Variants in PTPRD observed in about 807,000 individuals in gnomAD.
The protein encoded by PTPRD is protein tyrosine phosphatase receptor type D.
Under a neutral mutation model 214.5 loss-of-function variants are expected in PTPRD, and 34 were observed. The observed-to-expected ratio is 0.16, with a 90% CI of 0.12 to 0.21. The LOEUF is 0.21. PTPRD is among the 10% of genes least tolerant of loss of function. PTPRD has a pLI of 1.00. For missense variants in PTPRD, 2,545 were observed against 2,398.7 expected, an observed-to-expected ratio of 1.06 and a Z score of -1.27; for synonymous variants, 1,128 against 845.7, an observed-to-expected ratio of 1.33 and a Z score of -5.79.
chr9:10,403,979 C>A (rs1025717821), intron 2 of PTPRD, among the ~76,000 whole-genome samples: 11 of 151,560 alleles, frequency 7.3e-5, no homozygotes, highest in Non-Finnish European at 1.6e-4. Flanking sequence ...GAGAGTGAAT[C>A]CTAATGGAAA....
intron 8 of PTPRD, among the ~76,000 whole-genome samples, chr9:9,416,124 G>A (rs2076922858): frequency 6.6e-6 from 1 of 152,160 alleles, no homozygotes; most frequent in South Asian, 2.1e-4. Flanking sequence ...TGAGGGCATT[G>A]CTTCTGTCCT....
intron 2 of PTPRD, among the ~76,000 whole-genome samples, chr9:10,414,167 C>A (rs2098464861): frequency 6.6e-6 from 1 of 151,916 alleles, no homozygotes; most frequent in African/African-American, 2.4e-5. Context: ...AGTAAAGAGA[C>A]AACCTACAGA....
At chr9:9,832,108 T>C (rs1368616852) in intron 5 of PTPRD, among the ~76,000 whole-genome samples, 1 of 152,044 alleles carries the variant, frequency 6.6e-6, no homozygotes, top group Admixed American at 6.6e-5. Flanking sequence ...AACTTGCCTA[T>C]AATCTTGAAA....
chr9:10,512,953 T>A (rs778220613), intron 2 of PTPRD, among the ~76,000 whole-genome samples: 3 of 151,960 alleles, frequency 2.0e-5, no homozygotes, highest in Admixed American at 2.0e-4. Flanking sequence ...TATCATGAGA[T>A]CTAGGATAGA....
At chr9:10,066,973 A>G (rs1182617211) in intron 3 of PTPRD, among the ~76,000 whole-genome samples, 3 of 151,738 alleles carry the variant, frequency 2.0e-5, no homozygotes, top group African/African-American at 7.3e-5. Flanking sequence ...GGAAAAAAAA[A>G]AAATAGGCTA....
chr9:9,658,845 T>A (rs2096571072), intron 7 of PTPRD, among the ~76,000 whole-genome samples: 1 of 152,250 alleles, frequency 6.6e-6, no homozygotes, highest in East Asian at 1.9e-4. Flanking sequence ...TTGGTGCTTG[T>A]TATTATTGCT....
At chr9:10,360,962 C>A (rs570665462) in intron 2 of PTPRD, among the ~76,000 whole-genome samples, 2 of 151,628 alleles carry the variant, frequency 1.3e-5, no homozygotes, top group Non-Finnish European at 2.9e-5. Flanking sequence ...ATTAGCCGGG[C>A]GTGGTGCCGG....
chr9:10,455,858 C>G (rs1408959250), intron 2 of PTPRD, among the ~76,000 whole-genome samples: 1 of 151,748 alleles, frequency 6.6e-6, no homozygotes, highest in Non-Finnish European at 1.5e-5. Flanking sequence ...ATATGTAAAA[C>G]CAATTGTGTT....
At chr9:10,429,106 C>A (rs1233689274) in intron 2 of PTPRD, among the ~76,000 whole-genome samples, 1 of 151,640 alleles carries the variant, frequency 6.6e-6, no homozygotes. Flanking sequence ...TTATCTAGAA[C>A]TAGAAAATAA....
intron 6 of PTPRD, among the ~76,000 whole-genome samples, chr9:9,736,448 T>C (rs2098296481): frequency 6.6e-6 from 1 of 152,110 alleles, no homozygotes; most frequent in Non-Finnish European, 1.5e-5. Context: ...GGCAGATATG[T>C]GGATTGTTTC....
At chr9:8,816,574 A>G (rs1208893005) in intron 11 of PTPRD, among the ~76,000 whole-genome samples, 2 of 152,180 alleles carry the variant, frequency 1.3e-5, no homozygotes, top group Admixed American at 6.5e-5. Context: ...AAACCAATCA[A>G]GCTTCTTCAC....
rs2135939656 is a variant in PTPRD, at chr9:8,486,023, A to T, written c.2794T>A (p.Ser932Thr). The change falls in exon 28 of 46, where the codon TCA (serine) becomes ACA (threonine). Residue 932 changes from serine (S) to threonine (T), a missense_variant. Physicochemically the swap from Ser to Thr is moderately conservative, Grantham distance 58 (BLOSUM62 1). Coordinates refer to ENST00000381196, the MANE Select transcript of PTPRD (RefSeq NM_002839.4). ...PQNLHSEGTT[S>T]TSVQLSWQPP... ...TGCCAAGATAACTGGACGGAGGTTG[A>T]AGTGGTGCCTTCTGAGTGAAGGTTT... 6.2e-7 allele frequency: 1 copy of T among 1,614,120 alleles called. No homozygotes were observed. Among genetic ancestry groups the T allele is most frequent in the Non-Finnish European group, 8.5e-7 (1 of 1,180,012 alleles).
intron 8 of PTPRD, among the ~76,000 whole-genome samples, chr9:9,546,431 C>A (rs1379817083): frequency 2.6e-5 from 4 of 151,510 alleles, no homozygotes; most frequent in Non-Finnish European, 3.0e-5. Context: ...ATTTTATCTT[C>A]TTTATTCATG....
chr9:9,997,763 G>T (rs1357802925), intron 4 of PTPRD, among the ~76,000 whole-genome samples: 2 of 152,006 alleles, frequency 1.3e-5, no homozygotes, highest in Non-Finnish European at 2.9e-5. Flanking sequence ...GCTAATGTGG[G>T]TGATTAGAAA....
chr9:10,501,562 T>G (rs2043727327), intron 2 of PTPRD, among the ~76,000 whole-genome samples: 1 of 152,004 alleles, frequency 6.6e-6, no homozygotes. Flanking sequence ...CAGATTTAAC[T>G]GACCTTAAAG....
intron 11 of PTPRD, among the ~76,000 whole-genome samples, chr9:8,952,483 T>A (rs181475529): frequency 1.3e-5 from 2 of 152,112 alleles, no homozygotes; most frequent in Admixed American, 1.3e-4. Flanking sequence ...TGGGCTGATT[T>A]TAACATGTGC....
At chr9:8,933,826 T>C (rs1002197876) in intron 11 of PTPRD, among the ~76,000 whole-genome samples, 1 of 152,146 alleles carries the variant, frequency 6.6e-6, no homozygotes, top group Non-Finnish European at 1.5e-5. Flanking sequence ...GATGCAAGAT[T>C]ATATCTTAAT....
chr9:9,117,220 G>GTTTGT (rs1466697728), intron 10 of PTPRD, among the ~76,000 whole-genome samples: 8 of 134,290 alleles, frequency 6.0e-5, no homozygotes, highest in African/African-American at 2.3e-4. Context: ...AGGAAATTAA[G>GTTTGT]TTTTTTTTTT....
chr9:8,903,985 T>C (rs1413197727), intron 11 of PTPRD, among the ~76,000 whole-genome samples: 2 of 152,218 alleles, frequency 1.3e-5, no homozygotes, highest in Non-Finnish European at 2.9e-5. Context: ...ATGTGGAATA[T>C]ATTATGATAT....
Sources: allele counts gnomAD v4.1 joint callset (sites outside exome capture counted in the v4.1 genomes callset), GRCh38; gene constraint gnomAD v4.1.1; transcripts MANE v1.5; gene names NCBI Gene and HGNC (gene_info 2026-07-23, HGNC 2026-07-21).